Variants in GABPB2 observed in about 807,000 individuals in gnomAD.
GABPB2 encodes the protein GA-binding protein subunit beta-2.
In GABPB2, 23 loss-of-function variants were observed where a neutral mutation model predicts 39.1. The ratio of observed to expected loss-of-function variants is 0.59; its 90% CI spans 0.42 to 0.83. The LOEUF is 0.83. GABPB2 is among the 40% of genes least tolerant of loss of function. The probability of loss-of-function intolerance (pLI) is 0.00; values close to 1 mark genes in which losing one functional copy is unlikely to be tolerated. For synonymous variants in GABPB2, 184 were observed against 199.3 expected (o/e 0.92, Z 0.65); for missense variants, 467 against 541.1 (o/e 0.86, Z 1.36).
At chr1:151,078,195 G>A (rs2102996689) in intron 1 of GABPB2, among the ~76,000 whole-genome samples, 1 of 146,888 alleles carries the variant, frequency 6.8e-6, no homozygotes, top group South Asian at 2.2e-4. Flanking sequence ...GCTTGAACCT[G>A]AGAGGTGGAG....
chr1:151,104,811 T>TTTCC (rs1553266386), intron 6 of GABPB2, among the ~76,000 whole-genome samples: 176 of 150,424 alleles, frequency 1.2e-3, no homozygotes, highest in Non-Finnish European at 1.9e-3. Flanking sequence ...CTTTTCTTTC[T>TTTCC]TTCCTTTCTT....
chr1:151,104,197 A>G (rs1414532982), intron 6 of GABPB2, among the ~76,000 whole-genome samples: 4 of 152,162 alleles, frequency 2.6e-5, no homozygotes, highest in Non-Finnish European at 4.4e-5. Flanking sequence ...CCTTTCTGAT[A>G]TTTAAAACAA....
chr1:151,074,608 C>G (rs909785941), intron 1 of GABPB2, among the ~76,000 whole-genome samples: 1 of 151,984 alleles, frequency 6.6e-6, no homozygotes, highest in African/African-American at 2.4e-5. Context: ...CGTGAGCCAC[C>G]GCACCCAGCA....
At chr1:151,084,074 A>T (rs11204773) in intron 1 of GABPB2, among the ~76,000 whole-genome samples, 87,485 of 148,202 alleles carry the variant, frequency 0.59, 27,860 homozygotes, top group East Asian at 0.87. Context: ...AAATATATAT[A>T]TTTTTTTAAT....
intron 4 of GABPB2, among the ~76,000 whole-genome samples, chr1:151,094,346 C>T (rs587641837): frequency 2.1e-4 from 32 of 150,936 alleles, no homozygotes; most frequent in Non-Finnish European, 4.3e-4. Flanking sequence ...GCCACTGTGC[C>T]GGCTGTGTCC....
At chr1:151,088,781 A>G (rs1203644882) in intron 2 of GABPB2, among the ~76,000 whole-genome samples, 1 of 152,140 alleles carries the variant, frequency 6.6e-6, no homozygotes, top group Non-Finnish European at 1.5e-5. Context: ...CGGGCGGATC[A>G]CCTGAGGTCA....
intron 5 of GABPB2, among the ~76,000 whole-genome samples, chr1:151,099,355 G>A (rs760673658): frequency 5.0e-4 from 76 of 151,596 alleles, no homozygotes; most frequent in Admixed American, 2.9e-3. Flanking sequence ...GTGCCACCAC[G>A]CCCAGCTAAT....
At chr1:151,071,305 C>T (rs370339633) in intron 1 of GABPB2, among the ~76,000 whole-genome samples, 2 of 152,102 alleles carry the variant, frequency 1.3e-5, no homozygotes, top group Admixed American at 6.5e-5. Context: ...ATCTTTCAGA[C>T]AGACATTGGT....
chr1:151,105,640 A>T (rs1273460249), intron 6 of GABPB2, among the ~76,000 whole-genome samples: 1 of 151,904 alleles, frequency 6.6e-6, no homozygotes, highest in African/African-American at 2.4e-5. Flanking sequence ...CAGCCTCCTG[A>T]GTAGCTAGGA....
chr1:151,093,005 C>T (rs929103299), intron 3 of GABPB2, among the ~76,000 whole-genome samples, 187 bp from the exon 4 acceptor site: 2 of 152,120 alleles, frequency 1.3e-5, no homozygotes, highest in African/African-American at 2.4e-5. Flanking sequence ...AGGACCCACT[C>T]GTTGAAAGCA....
Position 151,124,927 on chromosome 1 carries a change from A to C in GABPB2, c.*6671A>C, listed in dbSNP as rs942869820. ...AGTAGCAGTTTGGCATGTTAGTGAC[A>C]GGAAATTGTGATTCCCTATCTCCCC... On this transcript the variant is annotated 3_prime_UTR_variant, in exon 9 of 9. Coordinates refer to ENST00000368918, the MANE Select transcript of GABPB2 (RefSeq NM_144618.3). 4 of 152,120 alleles carry C rather than the reference A, an allele frequency of 2.6e-5. No individual in the cohort carries two copies. Among genetic ancestry groups the C allele is most frequent in the African/African-American group, 9.7e-5 (4 of 41,392 alleles). The allele number at this position is 152,120 out of a possible 1,614,324, so 9.4% of individuals were successfully genotyped here. A position where few individuals can be genotyped will look rare whatever the true frequency, so the allele number is the denominator to read the frequency against.
chr1:151,087,042 A>G (rs1678262893), intron 1 of GABPB2, among the ~76,000 whole-genome samples: 1 of 151,868 alleles, frequency 6.6e-6, no homozygotes, highest in African/African-American at 2.4e-5. Flanking sequence ...TTTAGTAGAG[A>G]CAGGGTTTCA....
At chr1:151,080,685 T>C (rs1310403582) in intron 1 of GABPB2, among the ~76,000 whole-genome samples, 1 of 149,516 alleles carries the variant, frequency 6.7e-6, no homozygotes, top group African/African-American at 2.4e-5. Context: ...CCATCTCTAC[T>C]AAAAATACAA....
chr1:151,109,516 G>A (rs1430627957), intron 7 of GABPB2, among the ~76,000 whole-genome samples: 3 of 150,080 alleles, frequency 2.0e-5, no homozygotes, highest in Non-Finnish European at 4.4e-5. Flanking sequence ...GTGCCACCAC[G>A]CCCGGCTAAT....
At chr1:151,091,044 A>AG (rs752903621) in intron 3 of GABPB2, among the ~76,000 whole-genome samples, 127 of 151,078 alleles carry the variant, frequency 8.4e-4, no homozygotes, top group South Asian at 2.5e-3. Context: ...AAAAAAAAAA[A>AG]CCTTCATGGC....
intron 4 of GABPB2, among the ~76,000 whole-genome samples, chr1:151,095,241 C>T (rs587635536): frequency 2.0e-5 from 3 of 151,868 alleles, no homozygotes; most frequent in East Asian, 3.9e-4. Context: ...TGTGAAAGAA[C>T]GTGGAATGTT....
At chr1:151,081,368 A>G (rs1382587014) in intron 1 of GABPB2, among the ~76,000 whole-genome samples, 4 of 151,966 alleles carry the variant, frequency 2.6e-5, no homozygotes, top group Non-Finnish European at 5.9e-5. Flanking sequence ...GCACACCTGT[A>G]ATGCCAGCTA....
At chr1:151,098,259 A>G (rs909371688) in intron 5 of GABPB2, among the ~76,000 whole-genome samples, 2 of 152,172 alleles carry the variant, frequency 1.3e-5, no homozygotes, top group Non-Finnish European at 2.9e-5. Context: ...CATATCTGTA[A>G]TCCCAATGCT....
chr1:151,102,872 G>C (rs1183010927), intron 5 of GABPB2, among the ~76,000 whole-genome samples: 3 of 152,076 alleles, frequency 2.0e-5, no homozygotes, highest in Non-Finnish European at 4.4e-5. Flanking sequence ...TCACTGCTGA[G>C]CTTGGGGTGA....
Sources: gnomAD v4.1 joint callset for allele counts (sites outside exome capture counted in the v4.1 genomes callset) on GRCh38, gnomAD v4.1.1 for gene constraint, MANE v1.5 for transcripts, NCBI Gene and HGNC (gene_info 2026-07-23, HGNC 2026-07-21) for gene names.